The following DDI2 variants were observed in gnomAD, a reference collection of about 807,000 sequenced individuals.
DDI2 encodes protein DDI1 homolog 2.
DDI2 carries 5 observed loss-of-function variants against 48.1 expected under a neutral mutation model. That is an observed-to-expected ratio of 0.10 (90% CI 0.05 to 0.22). The LOEUF (loss-of-function observed/expected upper bound fraction) is 0.22, where lower values mean the gene tolerates loss of function less well. DDI2 is among the 10% of genes least tolerant of loss of function. DDI2 has a pLI of 1.00. For synonymous variants in DDI2, 205 were observed against 183.6 expected, an observed-to-expected ratio of 1.12 and a Z score of -0.94; for missense variants, 285 against 506.2, an observed-to-expected ratio of 0.56 and a Z score of 4.19.
chr1:15,650,916 G>A (rs1267928356), intron 7 of DDI2, among the ~76,000 whole-genome samples: 7 of 152,130 alleles, frequency 4.6e-5, no homozygotes, highest in Non-Finnish European at 7.4e-5. Context: ...GTGCAGTGGT[G>A]CAATCTTGGC....
chr1:15,621,368 G>A (rs1436557545), intron 1 of DDI2, among the ~76,000 whole-genome samples: 1 of 151,966 alleles, frequency 6.6e-6, no homozygotes, highest in Admixed American at 6.6e-5. Context: ...CATGATTTGT[G>A]GTTTGTAAAC....
intron 9 of DDI2, among the ~76,000 whole-genome samples, chr1:15,658,710 C>T (rs745597425): frequency 2.7e-5 from 4 of 150,734 alleles, no homozygotes; most frequent in African/African-American, 9.8e-5. Flanking sequence ...GCTCAGATGG[C>T]GCCATTGTAC....
At chr1:15,630,178 G>A (rs1639820326) in intron 2 of DDI2, 147 bp from the exon 3 acceptor site, 1 of 736,494 alleles carries the variant, frequency 1.4e-6, no homozygotes. Context: ...TTTATATTCA[G>A]AGTCATCATG....
intron 7 of DDI2, among the ~76,000 whole-genome samples, chr1:15,650,847 T>C (rs1281840715): frequency 6.7e-6 from 1 of 148,552 alleles, no homozygotes; most frequent in Non-Finnish European, 1.5e-5. Context: ...CACAGCATTC[T>C]ATTTATTTAT....
chr1:15,659,928 TC>T lies in DDI2; in HGVS notation c.*140del, dbSNP rs34558890. ...ATCCCGCCCGTTCTTCAGGACAGAG[TC>T]CTGATGTTGGTAATCCTATGAGTCT... On this transcript the variant is annotated 3_prime_UTR_variant, in exon 10 of 10. Coordinates refer to ENST00000480945, the MANE Select transcript of DDI2 (RefSeq NM_032341.5). 1 of 1,613,184 alleles carries T rather than the reference TC, an allele frequency of 6.2e-7. No individual in the cohort carries two copies. Among genetic ancestry groups the T allele is most frequent in the South Asian group, 1.1e-5 (1 of 90,918 alleles).
chr1:15,660,431 A>AAT lies in DDI2; in HGVS notation c.*644_*645dup. 1 of 1,614,054 alleles carries AAT rather than the reference A, an allele frequency of 6.2e-7. No individual in the cohort carries two copies. The highest frequency in any genetic ancestry group is 8.5e-7 in the Non-Finnish European group (1 of 1,179,996). On this transcript the variant is annotated 3_prime_UTR_variant, in exon 10 of 10. Coordinates refer to ENST00000480945, the MANE Select transcript of DDI2 (RefSeq NM_032341.5). Reference sequence around the variant, plus strand: ...CAACAAAAAGCTTCACATGACCAAGAATATCTTTGTAACATAGGGGACCTT... The same window carrying AAT: ...CAACAAAAAGCTTCACATGACCAAGAATATATCTTTGTAACATAGGGGACCTT...
At chr1:15,651,515 C>T (rs1398816114) in intron 7 of DDI2, among the ~76,000 whole-genome samples, 191 bp from the exon 8 acceptor site, 2 of 152,126 alleles carry the variant, frequency 1.3e-5, no homozygotes, top group Non-Finnish European at 2.9e-5. Context: ...GGTGGGGTTT[C>T]ACCGTGTTGG....
chr1:15,626,828 A>T, intron 2 of DDI2, 30 bp downstream of exon 2: 2 of 1,614,032 alleles, frequency 1.2e-6, no homozygotes, highest in Non-Finnish European at 1.7e-6. Context: ...AGCATCCCCC[A>T]GCAGAACCAT....
intron 9 of DDI2, 25 bp from the exon 10 acceptor site, chr1:15,659,812 T>C (rs1640332639): frequency 6.7e-7 from 1 of 1,487,996 alleles, no homozygotes; most frequent in East Asian, 2.3e-5. Flanking sequence ...ATTAATCTTT[T>C]TCCTTTCCCC....
chr1:15,633,764 C>A, intron 4 of DDI2, 199 bp downstream of exon 4: 1 of 723,960 alleles, frequency 1.4e-6, no homozygotes, highest in Non-Finnish European at 2.3e-6. Context: ...GATATAGGTG[C>A]TTAGTTTAAT....
intron 1 of DDI2, 62 bp downstream of exon 1, chr1:15,617,870 C>T (rs924586212): frequency 1.4e-6 from 2 of 1,458,246 alleles, no homozygotes; most frequent in Admixed American, 4.4e-5. Context: ...CGGGGCCTCA[C>T]TCCCTCCCTT....
At chr1:15,630,176 C>G (rs1639820094) in intron 2 of DDI2, 149 bp from the exon 3 acceptor site, 7 of 736,478 alleles carry the variant, frequency 9.5e-6, no homozygotes, top group African/African-American at 1.8e-5. Flanking sequence ...TCTTTATATT[C>G]AGAGTCATCA....
intron 5 of DDI2, among the ~76,000 whole-genome samples, chr1:15,640,112 T>C (rs1283402645): frequency 1.3e-5 from 2 of 152,056 alleles, no homozygotes; most frequent in Non-Finnish European, 2.9e-5. Flanking sequence ...ATATCTGTTG[T>C]GGGTAGGGCC....
intron 4 of DDI2, among the ~76,000 whole-genome samples, chr1:15,637,544 T>C (rs1639948046): frequency 6.6e-6 from 1 of 151,758 alleles, no homozygotes; most frequent in African/African-American, 2.4e-5. Context: ...GTTTTTGTAT[T>C]ATTAGTAGAG....
chr1:15,661,696 GCAA>G lies in DDI2; in HGVS notation c.*1907_*1909del, dbSNP rs752822346. On this transcript the variant is annotated 3_prime_UTR_variant, in exon 10 of 10. Transcript: ENST00000480945. ...AGACCTTGCACTTCTTGTTTTGCTCGCAAAAAACATCGTAGTTCCTACATGACT... is the reference window on the plus strand; with the variant it reads ...AGACCTTGCACTTCTTGTTTTGCTCGAAAACATCGTAGTTCCTACATGACT... The G allele has an allele frequency of 6.2e-7, 1 of 1,608,648 alleles. No individual in the cohort carries two copies. Among genetic ancestry groups the G allele is most frequent in the South Asian group, 1.1e-5 (1 of 90,336 alleles).
chr1:15,630,462 G>A lies in DDI2; in HGVS notation c.406G>A (p.Ala136Thr), dbSNP rs1452177258. The part of the protein sequence containing the change: ...TSSPQGLDNP[A>T]LLRDMLLANP... The stretch of plus-strand genomic sequence containing the variant: ...ATCTCCTCAGGGCTTGGACAATCCA[G>A]CCTTGCTCCGAGATATGTTGCTGGC... The change falls in exon 3 of 10, where the codon GCC becomes ACC. Residue 136 changes from alanine to threonine, a missense_variant. Physicochemically the swap from Ala to Thr is moderately conservative, Grantham distance 58. Coordinates refer to ENST00000480945, the MANE Select transcript of DDI2 (RefSeq NM_032341.5). 1.2e-6 allele frequency: 2 copies of A among 1,614,234 alleles called. No individual in the cohort carries two copies. The highest frequency in any genetic ancestry group is 2.2e-5 in the South Asian group (2 of 91,088).
At chr1:15,647,304 C>T (rs1298176411) in intron 6 of DDI2, among the ~76,000 whole-genome samples, 1 of 151,944 alleles carries the variant, frequency 6.6e-6, no homozygotes, top group African/African-American at 2.4e-5. Flanking sequence ...CCTGCTACCA[C>T]ACCCGGGTAA....
intron 3 of DDI2, 88 bp from the exon 4 acceptor site, chr1:15,633,351 T>C: frequency 6.8e-7 from 1 of 1,464,872 alleles, no homozygotes; most frequent in Non-Finnish European, 9.3e-7. Flanking sequence ...CTTACAGATG[T>C]AGTTTGATAA....
intron 7 of DDI2, among the ~76,000 whole-genome samples, chr1:15,651,115 A>G (rs778257109): frequency 1.3e-4 from 19 of 151,826 alleles, no homozygotes; most frequent in Non-Finnish European, 2.1e-4. Flanking sequence ...AGCCTCCCAA[A>G]GTGCCGGGAT....
Sources: allele counts gnomAD v4.1 joint callset (sites outside exome capture counted in the v4.1 genomes callset), GRCh38; gene constraint gnomAD v4.1.1; transcripts MANE v1.5; gene names NCBI Gene and HGNC (gene_info 2026-07-23, HGNC 2026-07-21).